DES: variants seen among roughly 807,000 people sequenced by gnomAD.
DES encodes desmin.
DES carries 34 observed loss-of-function variants against 55.1 expected under a neutral mutation model. The ratio of observed to expected loss-of-function variants is 0.62; its 90% CI spans 0.47 to 0.82. The LOEUF is 0.82. DES is among the 40% of genes least tolerant of loss of function. The pLI, the probability that DES is intolerant of heterozygous loss-of-function variation, is 0.00. For missense variants in DES, 596 were observed against 645.9 expected (o/e 0.92, Z 0.84); for synonymous variants, 259 against 270.8 (o/e 0.96, Z 0.43).
At position 219,419,994 on chromosome 2, in the gene DES, C is replaced by T; in HGVS notation, c.579-101C>T. 7.9e-7 allele frequency: 1 copy of T among 1,266,140 alleles called. No homozygotes were observed. The highest frequency in any genetic ancestry group is 1.2e-6 in the Non-Finnish European group (1 of 867,724). The allele number at this position is 1,266,140 out of a possible 1,614,324, so 78.4% of individuals were successfully genotyped here. A position where few individuals can be genotyped will look rare whatever the true frequency, so the allele number is the denominator to read the frequency against. On this transcript the variant is annotated intron_variant, in intron 1 of 8. Coordinates refer to ENST00000373960, the MANE Select transcript of DES (RefSeq NM_001927.4). The surrounding 1 kb of genome is among the most constrained non-coding windows in gnomAD (Gnocchi z 4.3). Reference sequence around the variant, plus strand: ...CCTCTACCCAGCAGCCAGGCCCTCCCGCTCTGTCCTGGACCCACCCCCTGG... The same window carrying T: ...CCTCTACCCAGCAGCCAGGCCCTCCTGCTCTGTCCTGGACCCACCCCCTGG...
chr2:219,420,929 C>G lies in DES; in HGVS notation c.999C>G (p.Cys333Trp). Residue 333 changes from cysteine to tryptophan, a missense_variant, in exon 5 of 9, where the codon TGC (cysteine) becomes TGG (tryptophan). Cys to Trp is a radical substitution (Grantham distance 215). Coordinates refer to ENST00000373960, the MANE Select transcript of DES (RefSeq NM_001927.4). This position sits in a 1 kb window ranked among gnomAD's most constrained non-coding sequence, Gnocchi z 6.0. Reference protein sequence around the residue: ...EYRHQIQSYTCEIDALKGTND... With the variant: ...EYRHQIQSYTWEIDALKGTND... ...GACACCAGATCCAGTCCTACACCTGCGAGATTGACGCCCTGAAGGGCACTG... is the reference window on the plus strand; with the variant it reads ...GACACCAGATCCAGTCCTACACCTGGGAGATTGACGCCCTGAAGGGCACTG... The G allele has an allele frequency of 6.2e-7, 1 of 1,613,512 alleles. No homozygotes were observed. The highest frequency in any genetic ancestry group is 8.5e-7 in the Non-Finnish European group (1 of 1,179,648).
intron 7 of DES, 199 bp from the exon 8 acceptor site, chr2:219,425,464 C>G (rs1044179925): frequency 1.6e-6 from 1 of 610,898 alleles, no homozygotes; most frequent in Non-Finnish European, 3.0e-6. Context: ...ATGGGACAGG[C>G]GCTGGGGACT....
chr2:219,421,543 G>T lies in DES; in HGVS notation c.1227G>T (p.Leu409=), dbSNP rs143954788. The part of the protein sequence containing the change: ...DVEIATYRKL[L]EGEESRINLP... ...AGATTGCCACCTACCGGAAGCTGCT[G>T]GAGGGAGAGGAGAGCCGGTGAGGGG... The change falls in exon 6 of 9, where the codon CTG becomes CTT. Residue 409 remains leucine, a synonymous_variant. Coordinates refer to ENST00000373960, the MANE Select transcript of DES (RefSeq NM_001927.4). 1.9e-6 allele frequency: 3 copies of T among 1,613,966 alleles called. No individual in the cohort carries two copies. Among genetic ancestry groups the T allele is most frequent in the Non-Finnish European group, 1.7e-6 (2 of 1,179,920 alleles).
intron 6 of DES, among the ~76,000 whole-genome samples, chr2:219,423,148 C>T (rs1954473851): frequency 6.6e-6 from 1 of 152,192 alleles, no homozygotes; most frequent in South Asian, 2.1e-4. Context: ...ATATCACCCA[C>T]AGCTGCTACT....
chr2:219,426,198 G>A lies in DES; in HGVS notation c.*208G>A, dbSNP rs1234102861. 20 of 668,280 alleles carry A rather than the reference G, an allele frequency of 3.0e-5. No individual in the cohort carries two copies. Among genetic ancestry groups the A allele is most frequent in the Non-Finnish European group, 5.4e-5 (20 of 370,916 alleles). 41.4% of individuals were successfully genotyped at this position (668,280 alleles called of 1,614,324 possible). On this transcript the variant is annotated 3_prime_UTR_variant, in exon 9 of 9. Coordinates refer to ENST00000373960, the MANE Select transcript of DES (RefSeq NM_001927.4). This position sits in a 1 kb window ranked among gnomAD's most constrained non-coding sequence, Gnocchi z 4.5. ...CACAGGGCATGCCCCGGCCACCTCT[G>A]CGGACCCCAGCTGTGAGCCTTGGCT...
chr2:219,419,939 G>A lies in DES; in HGVS notation c.579-156G>A, dbSNP rs1356904588. On this transcript the variant is annotated intron_variant, in intron 1 of 8. Transcript: ENST00000373960. The surrounding 1 kb of genome is among the most constrained non-coding windows in gnomAD (Gnocchi z 4.3). ...CACTTCCTGTGCCCTCCCTGGGTGG[G>A]TGGGGCCTCTCCACTCCCTGTCTCT... The A allele has an allele frequency of 5.3e-6, 4 of 759,710 alleles. No homozygotes were observed. The highest frequency in any genetic ancestry group is 3.4e-5 in the African/African-American group (2 of 58,014). The allele number at this position is 759,710 out of a possible 1,614,324, so 47.1% of individuals were successfully genotyped here.
Position 219,419,044 on chromosome 2 carries a change from AGG to A in DES, c.578+6_578+7del. ...ACCTGCAGCGGCTCAAGGCCAAGTG[AGG>A]GCCCGGCACCCCAGACTCCTCTTTC... On this transcript the variant is annotated splice_donor_5th_base_variant and intron_variant, in intron 1 of 8. Coordinates refer to ENST00000373960, the MANE Select transcript of DES (RefSeq NM_001927.4). This position sits in a 1 kb window ranked among gnomAD's most constrained non-coding sequence, Gnocchi z 4.3. 1 of 1,538,352 alleles carries A rather than the reference AGG, an allele frequency of 6.5e-7. No individual in the cohort carries two copies.
chr2:219,426,190 C>A lies in DES; in HGVS notation c.*200C>A. The A allele has an allele frequency of 1.4e-6, 1 of 691,342 alleles. No individual in the cohort carries two copies. Among genetic ancestry groups the A allele is most frequent in the Non-Finnish European group, 2.6e-6 (1 of 388,922 alleles). 42.8% of individuals were successfully genotyped at this position (691,342 alleles called of 1,614,324 possible). ...TGCCTGGTCACAGGGCATGCCCCGG[C>A]CACCTCTGCGGACCCCAGCTGTGAG... On this transcript the variant is annotated 3_prime_UTR_variant, in exon 9 of 9. Coordinates refer to ENST00000373960, the MANE Select transcript of DES (RefSeq NM_001927.4). The surrounding 1 kb of genome is among the most constrained non-coding windows in gnomAD (Gnocchi z 4.5).
intron 5 of DES, 54 bp from the exon 6 acceptor site, chr2:219,421,286 T>G (rs375286643): frequency 1.9e-6 from 3 of 1,601,178 alleles, no homozygotes; most frequent in Non-Finnish European, 2.6e-6. Flanking sequence ...AAGCTTTCTT[T>G]GGGCTGCTAG....
chr2:219,425,232 C>T (rs1235179364), intron 7 of DES: 1 of 236,870 alleles, frequency 4.2e-6, no homozygotes, highest in Non-Finnish European at 8.5e-6. Context: ...CTGTAAGGTC[C>T]TCTAAAGAGT....
rs780628142 is a variant in DES, at chr2:219,421,435, A to T, written c.1119A>T (p.Glu373Asp). 1 of 1,614,082 alleles carries T rather than the reference A, an allele frequency of 6.2e-7. No homozygotes were observed. The highest frequency in any genetic ancestry group is 1.1e-5 in the South Asian group (1 of 91,070). Residue 373 changes from glutamate to aspartate, a missense_variant, in exon 6 of 9, where the codon GAA becomes GAT. Physicochemically the swap from Glu to Asp is conservative, Grantham distance 45. Transcript: ENST00000373960. The stretch of plus-strand genomic sequence containing the variant: ...ACAACATTGCGCGCCTGGAGGAGGA[A>T]ATCCGGCACCTCAAGGATGAGATGG... ...YQDNIARLEE[E>D]IRHLKDEMAR...
intron 7 of DES, 147 bp downstream of exon 7, chr2:219,423,967 G>A: frequency 4.8e-6 from 4 of 835,186 alleles, no homozygotes; most frequent in East Asian, 2.5e-5. Flanking sequence ...GACCACTGCG[G>A]GTAGGTGGGG....
chr2:219,419,189 G>A lies in DES; in HGVS notation c.578+149G>A. Reference sequence around the variant, plus strand: ...TGTGGAGAAAGGGTCCTCCACCTGTGTGTTTCAAGGGGCCGTGACCTCCAG... The same window carrying A: ...TGTGGAGAAAGGGTCCTCCACCTGTATGTTTCAAGGGGCCGTGACCTCCAG... On this transcript the variant is annotated intron_variant, in intron 1 of 8. Coordinates refer to ENST00000373960, the MANE Select transcript of DES (RefSeq NM_001927.4). This position sits in a 1 kb window ranked among gnomAD's most constrained non-coding sequence, Gnocchi z 4.3. 1 of 1,446,638 alleles carries A rather than the reference G, an allele frequency of 6.9e-7. No individual in the cohort carries two copies. Among genetic ancestry groups the A allele is most frequent in the Non-Finnish European group, 9.1e-7 (1 of 1,093,208 alleles). The allele number at this position is 1,446,638 out of a possible 1,614,324, so 89.6% of individuals were successfully genotyped here. A position where few individuals can be genotyped will look rare whatever the true frequency, so the allele number is the denominator to read the frequency against.
intron 5 of DES, 51 bp from the exon 6 acceptor site, chr2:219,421,289 G>T (rs770494400): frequency 6.2e-7 from 1 of 1,602,978 alleles, no homozygotes; most frequent in Non-Finnish European, 8.5e-7. Flanking sequence ...CTTTCTTTGG[G>T]CTGCTAGTGT....
Position 219,421,503 on chromosome 2 carries a change from T to C in DES, c.1187T>C (p.Met396Thr). Residue 396 changes from methionine to threonine, a missense_variant, in exon 6 of 9, where the codon ATG becomes ACG. Coordinates refer to ENST00000373960, the MANE Select transcript of DES (RefSeq NM_001927.4). The stretch of plus-strand genomic sequence containing the variant: ...TACCAGGACCTGCTCAACGTGAAGA[T>C]GGCCCTGGATGTGGAGATTGCCACC... ...REYQDLLNVK[M>T]ALDVEIATYR... 6.2e-7 allele frequency: 1 copy of C among 1,614,046 alleles called. No homozygotes were observed. Among genetic ancestry groups the C allele is most frequent in the Middle Eastern group, 1.6e-4 (1 of 6,062 alleles).
rs1344333995 is a variant in DES at position 219,420,708 on chromosome 2, T to C, written c.897+52T>C. ...ATCTCCGTCCCCCTGAATCCCAGCT[T>C]GGATGTGCTGCCTGTGGTACCATCC... On this transcript the variant is annotated intron_variant, in intron 4 of 8. Transcript: ENST00000373960. The surrounding 1 kb of genome is among the most constrained non-coding windows in gnomAD (Gnocchi z 6.0). 1 of 1,613,798 alleles carries C rather than the reference T, an allele frequency of 6.2e-7. No homozygotes were observed. Among genetic ancestry groups the C allele is most frequent in the African/African-American group, 1.3e-5 (1 of 74,880 alleles).
At position 219,419,587 on chromosome 2, in the gene DES, G is replaced by A. The variant is rs1392088145; in HGVS notation, c.579-508G>A. On this transcript the variant is annotated intron_variant, in intron 1 of 8. Transcript: ENST00000373960. The surrounding 1 kb of genome is among the most constrained non-coding windows in gnomAD (Gnocchi z 4.3). ...TGTCTTTTTACAAGGTGAATGGACA[G>A]GCTGGAGAAAAAGGGAGTAGGTGGG... Among the ~76,000 whole-genome samples the A allele has an allele frequency of 6.6e-6, 1 of 152,210 alleles. No homozygotes were observed. The highest frequency in any genetic ancestry group is 1.5e-5 in the Non-Finnish European group (1 of 68,026).
In DES at chr2:219,418,988, G is replaced by A. The variant is rs1196268236; in HGVS notation, c.526G>A (p.Val176Ile). ...GGTGCTCACTAACCAGCGCGCGCGC[G>A]TCGACGTCGAGCGCGACAACCTGCT... ...VEVLTNQRAR[V>I]DVERDNLLDD... The change falls in exon 1 of 9, where the codon GTC becomes ATC. Residue 176 changes from valine (V) to isoleucine (I), a missense_variant. By Grantham distance (29) the Val-to-Ile change is conservative. Coordinates refer to ENST00000373960, the MANE Select transcript of DES (RefSeq NM_001927.4). The A allele has an allele frequency of 1.4e-5, 21 of 1,550,808 alleles. 1 individual carries two copies. Among genetic ancestry groups the A allele is most frequent in the East Asian group, 2.4e-5 (1 of 41,076 alleles).
At chr2:219,423,454 T>A (rs573293845) in intron 6 of DES, among the ~76,000 whole-genome samples, 6 of 150,146 alleles carry the variant, frequency 4.0e-5, no homozygotes, top group Admixed American at 4.0e-4. Context: ...TTTTTTTTTT[T>A]TTTGAGACAG....
Sources: allele counts gnomAD v4.1 joint callset (sites outside exome capture counted in the v4.1 genomes callset), GRCh38; gene constraint gnomAD v4.1.1; non-coding constraint Gnocchi (gnomAD v3.1); transcripts MANE v1.5; gene names NCBI Gene and HGNC (gene_info 2026-07-23, HGNC 2026-07-21).